ZNRF3: variants seen among roughly 807,000 people sequenced by gnomAD.
ZNRF3 encodes the protein zinc and ring finger 3, also known as E3 ubiquitin-protein ligase ZNRF3.
Under a neutral mutation model 72.5 loss-of-function variants are expected in ZNRF3, and 23 were observed. The ratio of observed to expected loss-of-function variants is 0.32; its 90% CI spans 0.23 to 0.45. ZNRF3 has a LOEUF of 0.45. ZNRF3 is among the 20% of genes least tolerant of loss of function. The pLI is 1.00. For missense variants in ZNRF3, 1,169 were observed against 1,272.1 expected, an observed-to-expected ratio of 0.92 and a Z score of 1.23; for synonymous variants, 610 against 545.3, an observed-to-expected ratio of 1.12 and a Z score of -1.65.
chr22:28,953,996 G>A (rs1168711856), intron 1 of ZNRF3, among the ~76,000 whole-genome samples: 2 of 152,166 alleles, frequency 1.3e-5, no homozygotes, highest in African/African-American at 4.8e-5. Context: ...CCACACCATA[G>A]GGTTGTTTTT....
intron 2 of ZNRF3, among the ~76,000 whole-genome samples, chr22:29,017,305 C>T (rs945765085): frequency 6.6e-6 from 1 of 152,202 alleles, no homozygotes; most frequent in Non-Finnish European, 1.5e-5. Flanking sequence ...AAGTTGCCCC[C>T]ATCAGGCAGG....
intron 1 of ZNRF3, among the ~76,000 whole-genome samples, chr22:28,906,143 G>T (rs1601542776): frequency 6.6e-6 from 1 of 152,324 alleles, no homozygotes; most frequent in East Asian, 1.9e-4. Flanking sequence ...TGGGCAACGT[G>T]GTGAAACCTC....
intron 2 of ZNRF3, chr22:29,026,934 C>T (rs1274282805): frequency 6.6e-6 from 1 of 152,220 alleles, no homozygotes; most frequent in East Asian, 1.9e-4. Flanking sequence ...AAGCGCTTTC[C>T]TTAAGTCTGA....
Position 29,055,033 on chromosome 22 carries a change from A to T in ZNRF3, c.*1411A>T, listed in dbSNP as rs1445337179. On this transcript the variant is annotated 3_prime_UTR_variant, in exon 9 of 9. Transcript: ENST00000544604. ...TTACACCCAAAGGGTAGGTTTTTGT[A>T]TATTTTTCCAGCCTTTTTTATTAAG... 1 of 152,642 alleles carries T rather than the reference A, an allele frequency of 6.6e-6. No homozygotes were observed. Among genetic ancestry groups the T allele is most frequent in the Non-Finnish European group, 1.5e-5 (1 of 68,034 alleles). 9.5% of individuals were successfully genotyped at this position (152,642 alleles called of 1,614,324 possible). A position where few individuals can be genotyped will look rare whatever the true frequency, so the allele number is the denominator to read the frequency against.
At chr22:28,926,713 C>T (rs750614340) in intron 1 of ZNRF3, among the ~76,000 whole-genome samples, 11 of 149,824 alleles carry the variant, frequency 7.3e-5, no homozygotes, top group African/African-American at 1.5e-4. Context: ...GCAGGAGAAT[C>T]GCTTGAACCT....
rs1263940913 is a variant in ZNRF3, at chr22:28,982,366, G to A, written c.301-4710G>A. On this transcript the variant is annotated intron_variant, in intron 1 of 8. Coordinates refer to ENST00000544604, the MANE Select transcript of ZNRF3 (RefSeq NM_001206998.2). ...TAATTCCAGCACTTTGGGAGGCTGAGGCGGAAGGATTGCTTGCGCCTAGGA... is the reference window on the plus strand; with the variant it reads ...TAATTCCAGCACTTTGGGAGGCTGAAGCGGAAGGATTGCTTGCGCCTAGGA... Among the ~76,000 whole-genome samples the A allele has an allele frequency of 4.0e-5, 6 of 151,088 alleles. No individual in the cohort carries two copies. In the East Asian group the frequency reaches 1.2e-3, roughly 29 times the overall value.
intron 2 of ZNRF3, among the ~76,000 whole-genome samples, chr22:28,987,985 CT>C: frequency 6.6e-6 from 1 of 152,110 alleles, no homozygotes; most frequent in East Asian, 1.9e-4. Flanking sequence ...CTAAAAAAGA[CT>C]TTTTAGCCAA....
At chr22:28,948,044 C>T (rs554344343) in intron 1 of ZNRF3, among the ~76,000 whole-genome samples, 3 of 152,028 alleles carry the variant, frequency 2.0e-5, no homozygotes, top group Non-Finnish European at 4.4e-5. Context: ...GGGGTTTCAC[C>T]GTGTTGGTCA....
chr22:28,931,957 G>A, intron 1 of ZNRF3, among the ~76,000 whole-genome samples: 1 of 152,246 alleles, frequency 6.6e-6, no homozygotes, highest in Non-Finnish European at 1.5e-5. Flanking sequence ...ATGGCATAAT[G>A]GGGATATGCT....
intron 2 of ZNRF3, among the ~76,000 whole-genome samples, chr22:28,989,027 G>A (rs1057455874): frequency 3.9e-5 from 6 of 152,172 alleles, no homozygotes; most frequent in South Asian, 2.1e-4. Context: ...CTGCTAGCCT[G>A]TGATGCCAGG....
rs1400239201 is a variant in ZNRF3 at position 29,050,210 on chromosome 22, G to C, written c.2029G>C (p.Gly677Arg). Residue 677 changes from glycine to arginine, a missense_variant, in exon 8 of 9, where the codon GGG (glycine) becomes CGG (arginine). Gly to Arg is a moderately radical substitution (Grantham distance 125). Coordinates refer to ENST00000544604, the MANE Select transcript of ZNRF3 (RefSeq NM_001206998.2). ...CAGCAACTCCTCCCTGGAGCACAGG[G>C]GGCCCAATAGCTCTACCTCAGAAGT... ...YSSNSSLEHRGPNSSTSEVGL... is the reference protein window; with the variant it reads ...YSSNSSLEHRRPNSSTSEVGL... 5.6e-6 allele frequency: 9 copies of C among 1,600,560 alleles called. No homozygotes were observed. Among genetic ancestry groups the C allele is most frequent in the Non-Finnish European group, 7.6e-6 (9 of 1,179,864 alleles).
At chr22:28,974,266 G>A (rs2035630059) in intron 1 of ZNRF3, among the ~76,000 whole-genome samples, 1 of 152,124 alleles carries the variant, frequency 6.6e-6, no homozygotes, top group Non-Finnish European at 1.5e-5. Flanking sequence ...TGGCTGGAAT[G>A]CATCTCTTTG....
Position 29,050,685 on chromosome 22 carries a change from A to C in ZNRF3, c.2504A>C (p.Asp835Ala). 6.2e-7 allele frequency: 1 copy of C among 1,612,370 alleles called. No homozygotes were observed. Reference protein sequence around the residue: ...LSQRIPIIPEDVDCDLGLPSD... With the variant: ...LSQRIPIIPEAVDCDLGLPSD... ...CAGCGCATCCCCATCATTCCAGAGG[A>C]TGTGGACTGTGATCTGGGCCTGCCC... Residue 835 changes from aspartate (D) to alanine (A), a missense_variant, in exon 8 of 9, where the codon GAT becomes GCT. Asp to Ala is a moderately radical substitution (Grantham distance 126). Around this residue, in one of 2 missense-constraint regions of ZNRF3, gnomAD observed 783 missense variants for 731.4 expected, o/e 1.07. Transcript: ENST00000544604.
intron 2 of ZNRF3, among the ~76,000 whole-genome samples, chr22:29,002,006 G>A (rs1213031362): frequency 6.6e-6 from 1 of 152,156 alleles, no homozygotes. Context: ...GTCTAGAAGT[G>A]TTCCTCTCTC....
In ZNRF3 at chr22:28,883,969, C is replaced by G; in HGVS notation, c.203C>G (p.Ser68Trp). The G allele has an allele frequency of 7.6e-7, 1 of 1,307,516 alleles. No homozygotes were observed. Among genetic ancestry groups the G allele is most frequent in the Non-Finnish European group, 9.9e-7 (1 of 1,009,944 alleles). 81.0% of individuals were successfully genotyped at this position (1,307,516 alleles called of 1,614,324 possible). ...TAFVEVVLFE[S>W]SPSGDYTTYT... ...TTCGTGGAGGTGGTGCTGTTCGAGT[C>G]GAGCCCAAGCGGCGATTACACCACC... Residue 68 changes from serine (S) to tryptophan (W), a missense_variant, in exon 1 of 9, where the codon TCG becomes TGG. Physicochemically the swap from Ser to Trp is radical, Grantham distance 177 (BLOSUM62 -3). This residue lies in a region of ZNRF3 where 386 missense variants were observed against 540.7 expected (regional missense o/e 0.71). Coordinates refer to ENST00000544604, the MANE Select transcript of ZNRF3 (RefSeq NM_001206998.2). This position sits in a 1 kb window ranked among gnomAD's most constrained non-coding sequence, Gnocchi z 5.5.
At chr22:28,928,747 C>T (rs191637544) in intron 1 of ZNRF3, among the ~76,000 whole-genome samples, 2,754 of 152,144 alleles carry the variant, frequency 0.018, 92 homozygotes, top group African/African-American at 0.064. Flanking sequence ...CCGCCCGCCT[C>T]GGCCTCCCAA....
rs114540696 is a variant in ZNRF3, at chr22:28,918,099, G to C, written c.300+34033G>C. On this transcript the variant is annotated intron_variant, in intron 1 of 8. Coordinates refer to ENST00000544604, the MANE Select transcript of ZNRF3 (RefSeq NM_001206998.2). ...GCCTTTCTGTAGTGGTTTAAGAGCTGTGCCCTTGGTGTGGGCTGAAAGGCA... is the reference window on the plus strand; with the variant it reads ...GCCTTTCTGTAGTGGTTTAAGAGCTCTGCCCTTGGTGTGGGCTGAAAGGCA... Among the ~76,000 whole-genome samples, 1,075 of 152,290 alleles carry C rather than the reference G, an allele frequency of 7.1e-3. 19 individuals are homozygous for C. Among genetic ancestry groups the C allele is most frequent in the African/African-American group, 0.025 (1,035 of 41,552 alleles).
At chr22:28,936,300 G>A (rs1190073203) in intron 1 of ZNRF3, among the ~76,000 whole-genome samples, 7 of 152,092 alleles carry the variant, frequency 4.6e-5, no homozygotes, top group Non-Finnish European at 8.8e-5. Flanking sequence ...CAGAGCCCTG[G>A]CCACTTTTCC....
At chr22:28,890,972 G>A (rs1156657775) in intron 1 of ZNRF3, among the ~76,000 whole-genome samples, 1 of 152,010 alleles carries the variant, frequency 6.6e-6, no homozygotes, top group East Asian at 1.9e-4. Context: ...GCCTAGGCCG[G>A]TCTTGCACTC....
Sources: gnomAD v4.1 joint callset for allele counts (sites outside exome capture counted in the v4.1 genomes callset) on GRCh38, gnomAD v4.1.1 for gene constraint, gnomAD v4.1.1 regional missense constraint, Gnocchi (gnomAD v3.1) non-coding constraint, MANE v1.5 for transcripts, NCBI Gene and HGNC (gene_info 2026-07-23, HGNC 2026-07-21) for gene names.